Variants in SLC24A2 observed in about 807,000 individuals in gnomAD.
The protein encoded by SLC24A2 is sodium/potassium/calcium exchanger 2.
A neutral mutation model predicts 62.0 loss-of-function variants in SLC24A2; 36 were observed. That is an observed-to-expected ratio of 0.58 (90% CI 0.44 to 0.77). The LOEUF (loss-of-function observed/expected upper bound fraction) is 0.77, where lower values mean the gene tolerates loss of function less well. Among genes scored for constraint, SLC24A2 ranks in the 30% least tolerant of loss-of-function variants. The pLI, the probability that SLC24A2 is intolerant of heterozygous loss-of-function variation, is 0.00. For synonymous variants in SLC24A2, 358 were observed against 294.0 expected (o/e 1.22, Z -2.23); for missense variants, 846 against 817.9 (o/e 1.03, Z -0.42).
chr9:20,096,905 C>T, the SLC24A2 span, among the ~76,000 whole-genome samples: 1 of 151,972 alleles, frequency 6.6e-6, no homozygotes, highest in African/African-American at 2.4e-5. Context: ...TGTGGTGATT[C>T]GTCTTTTTCC....
At chr9:19,826,677 A>C in the SLC24A2 span, among the ~76,000 whole-genome samples, 1 of 152,292 alleles carries the variant, frequency 6.6e-6, no homozygotes, top group East Asian at 1.9e-4. Flanking sequence ...TCATCCCCTC[A>C]AGCCTTTTAA....
the SLC24A2 span, among the ~76,000 whole-genome samples, chr9:20,189,112 G>C: frequency 1.4e-5 from 2 of 141,552 alleles, no homozygotes; most frequent in African/African-American, 2.7e-5. Flanking sequence ...TTTGCTCTTA[G>C]AGAGTTCCAG....
chr9:19,560,908 TATATATATAG>T (rs1465012542), intron 7 of SLC24A2, among the ~76,000 whole-genome samples: 1 of 58,808 alleles, frequency 1.7e-5, no homozygotes, highest in African/African-American at 7.5e-5. Flanking sequence ...TATATATATA[TATATATATAG>T]AGAGAGAGAG....
the SLC24A2 span, among the ~76,000 whole-genome samples, chr9:19,980,724 G>A: frequency 6.6e-6 from 1 of 152,116 alleles, no homozygotes; most frequent in Non-Finnish European, 1.5e-5. Context: ...GAGAAAGAAG[G>A]TGATTCCCAG....
At chr9:19,837,190 C>T in the SLC24A2 span, among the ~76,000 whole-genome samples, 44 of 152,098 alleles carry the variant, frequency 2.9e-4, no homozygotes, top group Middle Eastern at 3.4e-3. Flanking sequence ...CGGTGGCTCA[C>T]GCCTGTAATC....
chr9:19,709,288 C>G (rs1403812318), intron 2 of SLC24A2, among the ~76,000 whole-genome samples: 1 of 152,010 alleles, frequency 6.6e-6, no homozygotes, highest in Non-Finnish European at 1.5e-5. Context: ...GAAATAGGAA[C>G]ACTTTCACAC....
At position 19,512,991 on chromosome 9, in the gene SLC24A2, A is replaced by G. The variant is rs1249136567; in HGVS notation, c.*3162T>C. ...ATATGTGCATGGAACAAACAACCTT[A>G]TGAAATCAGGAAGAAATGTTCCCTT... On this transcript the variant is annotated 3_prime_UTR_variant, in exon 11 of 11. Transcript: ENST00000341998. 1 of 151,742 alleles carries G rather than the reference A, an allele frequency of 6.6e-6. No homozygotes were observed. The highest frequency in any genetic ancestry group is 1.5e-5 in the Non-Finnish European group (1 of 67,962). The allele number at this position is 151,742 out of a possible 1,614,324, so 9.4% of individuals were successfully genotyped here.
At chr9:20,261,960 G>C in the SLC24A2 span, among the ~76,000 whole-genome samples, 1 of 151,888 alleles carries the variant, frequency 6.6e-6, no homozygotes, top group Non-Finnish European at 1.5e-5. Flanking sequence ...GGATGGTCTT[G>C]ATCTCCTGAC....
intron 4 of SLC24A2, among the ~76,000 whole-genome samples, chr9:19,603,464 G>A (rs1395307390): frequency 6.6e-6 from 1 of 151,958 alleles, no homozygotes; most frequent in South Asian, 2.1e-4. Flanking sequence ...CAGGAGCTTG[G>A]TTATATTACA....
chr9:19,905,713 G>C, the SLC24A2 span, among the ~76,000 whole-genome samples: 6,492 of 151,758 alleles, frequency 0.043, 264 homozygotes, highest in East Asian at 0.11. Flanking sequence ...ACCTCTTTAG[G>C]GACCTCCTAT....
intron 2 of SLC24A2, among the ~76,000 whole-genome samples, chr9:19,746,615 A>C (rs1181195667): frequency 1.7e-4 from 26 of 152,186 alleles, no homozygotes. Flanking sequence ...TTATTGATCC[A>C]GAGAATTATT....
At chr9:19,556,865 T>C (rs1563961809) in intron 7 of SLC24A2, among the ~76,000 whole-genome samples, 1 of 152,254 alleles carries the variant, frequency 6.6e-6, no homozygotes, top group African/African-American at 2.4e-5. Context: ...TGGGATGTTT[T>C]AATGTGGGTT....
intron 7 of SLC24A2, among the ~76,000 whole-genome samples, chr9:19,550,641 G>C (rs1834798093): frequency 6.6e-6 from 1 of 151,758 alleles, no homozygotes; most frequent in Admixed American, 6.6e-5. Context: ...TCTCCTTGAA[G>C]ACAGAGTCAC....
chr9:19,908,958 G>T, the SLC24A2 span, among the ~76,000 whole-genome samples: 1 of 152,204 alleles, frequency 6.6e-6, no homozygotes, highest in African/African-American at 2.4e-5. Flanking sequence ...GGAATACCAT[G>T]TGACCCAGCC....
chr9:19,690,501 A>C lies in SLC24A2; in HGVS notation c.931-68202T>G, dbSNP rs1388077257. On this transcript the variant is annotated intron_variant, in intron 2 of 10. Coordinates refer to ENST00000341998, the MANE Select transcript of SLC24A2 (RefSeq NM_020344.4). ...GGGGATGGTAAGCTGATGAGATGTAAGCTAAGATCTACTGGTGGCTTTCTT... is the reference window on the plus strand; with the variant it reads ...GGGGATGGTAAGCTGATGAGATGTACGCTAAGATCTACTGGTGGCTTTCTT... Among the ~76,000 whole-genome samples the C allele has an allele frequency of 2.6e-5, 4 of 152,104 alleles. No homozygotes were observed. The East Asian group carries it at 7.7e-4, about 29-fold the overall frequency.
the SLC24A2 span, among the ~76,000 whole-genome samples, chr9:20,033,616 T>C: frequency 6.6e-6 from 1 of 152,186 alleles, no homozygotes; most frequent in Admixed American, 6.5e-5. Context: ...AAGGTTACGA[T>C]GATATGCCCA....
At chr9:19,596,560 C>T (rs141772695) in intron 5 of SLC24A2, among the ~76,000 whole-genome samples, 4 of 152,242 alleles carry the variant, frequency 2.6e-5, no homozygotes, top group Non-Finnish European at 4.4e-5. Flanking sequence ...GGGACAGTGC[C>T]TGGAATTCAT....
the SLC24A2 span, among the ~76,000 whole-genome samples, chr9:20,049,365 CT>C: frequency 5.9e-4 from 89 of 151,782 alleles, no homozygotes; most frequent in African/African-American, 2.0e-3. Flanking sequence ...CTCCAATGAA[CT>C]TTTTTTTTCT....
At chr9:20,134,751 A>AGT in the SLC24A2 span, among the ~76,000 whole-genome samples, 2 of 152,178 alleles carry the variant, frequency 1.3e-5, no homozygotes, top group Non-Finnish European at 2.9e-5. Context: ...CACCTGGGCC[A>AGT]CTAAACAGTC....
Sources: allele counts gnomAD v4.1 joint callset (sites outside exome capture counted in the v4.1 genomes callset), GRCh38; gene constraint gnomAD v4.1.1; transcripts MANE v1.5; gene names NCBI Gene and HGNC (gene_info 2026-07-23, HGNC 2026-07-21).